Variants in CCL28 observed in about 807,000 individuals in gnomAD.
CCL28 encodes the protein C-C motif chemokine 28.
Under a neutral mutation model 7.1 loss-of-function variants are expected in CCL28, and 4 were observed. The ratio of observed to expected loss-of-function variants is 0.56; its 90% CI spans 0.28 to 1.29. The LOEUF is 1.29. CCL28 is among the 50% of genes most tolerant of loss of function. The pLI is 0.11. For missense variants in CCL28, 151 were observed against 163.4 expected, an observed-to-expected ratio of 0.92 and a Z score of 0.41; for synonymous variants, 55 against 57.8, an observed-to-expected ratio of 0.95 and a Z score of 0.22.
chr5:43,366,066 AC>A, the CCL28 span, among the ~76,000 whole-genome samples: 2 of 151,994 alleles, frequency 1.3e-5, no homozygotes, highest in Non-Finnish European at 1.5e-5. Flanking sequence ...AATTCCTCTA[AC>A]CTTTTTTCAA....
chr5:43,411,186 A>G (rs1656784733), intron 1 of CCL28, among the ~76,000 whole-genome samples: 1 of 152,228 alleles, frequency 6.6e-6, no homozygotes, highest in East Asian at 1.9e-4. Flanking sequence ...TTTCAGTTTT[A>G]AAATGTTGGC....
At chr5:43,399,837 G>A (rs1740957883) in intron 1 of CCL28, among the ~76,000 whole-genome samples, 5 of 149,282 alleles carry the variant, frequency 3.3e-5, no homozygotes, top group Admixed American at 3.3e-4. Flanking sequence ...TTATTATGGT[G>A]TTATTTCTTT....
intron 1 of CCL28, among the ~76,000 whole-genome samples, chr5:43,411,801 G>A (rs189361953): frequency 5.3e-5 from 8 of 152,292 alleles, no homozygotes; most frequent in African/African-American, 1.9e-4. Context: ...CTTTGCTCAG[G>A]AAATTTACAA....
chr5:43,367,504 G>A, the CCL28 span, among the ~76,000 whole-genome samples: 4 of 152,320 alleles, frequency 2.6e-5, no homozygotes, highest in Middle Eastern at 3.4e-3. Flanking sequence ...CCAACCCCTT[G>A]TGCTTCCTGG....
chr5:43,382,311 G>T (rs909539577), intron 2 of CCL28, among the ~76,000 whole-genome samples: 2 of 151,788 alleles, frequency 1.3e-5, no homozygotes, highest in Non-Finnish European at 2.9e-5. Context: ...AGGAGAAGAA[G>T]GAATTGGATG....
chr5:43,362,839 G>GAT, the CCL28 span, among the ~76,000 whole-genome samples: 3 of 152,104 alleles, frequency 2.0e-5, no homozygotes, highest in Admixed American at 1.3e-4. Context: ...GTAAAAGATT[G>GAT]ATATATATAC....
At position 43,395,028 on chromosome 5, in the gene CCL28, T is replaced by A. The variant is rs185288840; in HGVS notation, c.65-6552A>T. The stretch of plus-strand genomic sequence containing the variant: ...GTTTTGGGTATTAAGGGTATGTTAA[T>A]CTCAACAATGCATTAGGTAGTTTTC... On this transcript the variant is annotated intron_variant, in intron 1 of 2. Transcript: ENST00000361115. Among the ~76,000 whole-genome samples the A allele has an allele frequency of 1.2e-3, 184 of 151,478 alleles. 1 individual carries two copies. The highest frequency in any genetic ancestry group is 4.2e-3 in the African/African-American group (176 of 41,468).
At chr5:43,361,413 C>A in the CCL28 span, among the ~76,000 whole-genome samples, 1 of 152,114 alleles carries the variant, frequency 6.6e-6, no homozygotes, top group Admixed American at 6.6e-5. Flanking sequence ...GCATAGTTTG[C>A]AAATATTTTC....
At chr5:43,368,270 T>C in the CCL28 span, among the ~76,000 whole-genome samples, 33 of 152,314 alleles carry the variant, frequency 2.2e-4, no homozygotes, top group Admixed American at 7.2e-4. Context: ...AGTTCTCTCC[T>C]TCACAAAATT....
the CCL28 span, among the ~76,000 whole-genome samples, chr5:43,360,520 T>C: frequency 6.6e-6 from 1 of 152,148 alleles, no homozygotes; most frequent in East Asian, 1.9e-4. Context: ...GAACATGTGG[T>C]ATTTGGTTTT....
At chr5:43,358,621 T>C in the CCL28 span, among the ~76,000 whole-genome samples, 1 of 152,336 alleles carries the variant, frequency 6.6e-6, no homozygotes, top group South Asian at 2.1e-4. Context: ...ATAAATTTTA[T>C]CCAGCAACTG....
intron 1 of CCL28, among the ~76,000 whole-genome samples, chr5:43,392,894 G>A (rs184218507): frequency 1.3e-5 from 2 of 152,044 alleles, no homozygotes; most frequent in East Asian, 3.9e-4. Context: ...TCTCCCCCTT[G>A]GTAAGTGTAT....
At chr5:43,361,645 C>T in the CCL28 span, among the ~76,000 whole-genome samples, 1 of 152,080 alleles carries the variant, frequency 6.6e-6, no homozygotes, top group South Asian at 2.1e-4. Context: ...AGTCTTAATC[C>T]ATCTTGAGTT....
At chr5:43,405,852 G>A (rs1199394789) in intron 1 of CCL28, among the ~76,000 whole-genome samples, 1 of 152,166 alleles carries the variant, frequency 6.6e-6, no homozygotes. Flanking sequence ...ACTACCATCA[G>A]AGAATACTAT....
intron 1 of CCL28, among the ~76,000 whole-genome samples, chr5:43,407,419 C>T (rs545690344): frequency 1.7e-4 from 26 of 152,252 alleles, no homozygotes; most frequent in Non-Finnish European, 2.8e-4. Context: ...ATAAATGGTG[C>T]TGGGAAAACT....
At chr5:43,359,593 A>G in the CCL28 span, among the ~76,000 whole-genome samples, 1 of 152,152 alleles carries the variant, frequency 6.6e-6, no homozygotes, top group African/African-American at 2.4e-5. Context: ...GTTTATGGCC[A>G]GTTTTGGGGC....
At chr5:43,366,269 T>G in the CCL28 span, among the ~76,000 whole-genome samples, 1 of 152,250 alleles carries the variant, frequency 6.6e-6, no homozygotes, top group Non-Finnish European at 1.5e-5. Flanking sequence ...ATTTTCAGCC[T>G]TTTTGAGCTG....
chr5:43,361,834 C>A, the CCL28 span, among the ~76,000 whole-genome samples: 1 of 146,906 alleles, frequency 6.8e-6, no homozygotes, highest in Non-Finnish European at 1.5e-5. Flanking sequence ...GCTCTCTATT[C>A]TGTTCCATTG....
the CCL28 span, among the ~76,000 whole-genome samples, chr5:43,366,844 C>A: frequency 1.3e-5 from 2 of 152,202 alleles, no homozygotes; most frequent in African/African-American, 2.4e-5. Context: ...AGATGCCCTG[C>A]CAGAGAGGAG....
Sources: gnomAD v4.1 joint callset for allele counts (sites outside exome capture counted in the v4.1 genomes callset) on GRCh38, gnomAD v4.1.1 for gene constraint, MANE v1.5 for transcripts, NCBI Gene and HGNC (gene_info 2026-07-23, HGNC 2026-07-21) for gene names.